The following UNC5D variants were observed in gnomAD, a reference collection of about 807,000 sequenced individuals.
UNC5D encodes the protein netrin receptor UNC5D.
A neutral mutation model predicts 105.4 loss-of-function variants in UNC5D; 39 were observed. That is an observed-to-expected ratio of 0.37 (90% CI 0.29 to 0.48). The LOEUF is 0.48. UNC5D is among the 20% of genes least tolerant of loss of function. UNC5D has a pLI of 0.98. For missense variants in UNC5D, 991 were observed against 1,202.4 expected, an observed-to-expected ratio of 0.82 and a Z score of 2.60; for synonymous variants, 452 against 450.4, an observed-to-expected ratio of 1.00 and a Z score of -0.04.
At chr8:35,506,321 C>T (rs1812301527) in intron 1 of UNC5D, among the ~76,000 whole-genome samples, 1 of 152,184 alleles carries the variant, frequency 6.6e-6, no homozygotes, top group African/African-American at 2.4e-5. Context: ...TTTTAAGTCC[C>T]AGAGTCCCCC....
chr8:35,619,806 C>T (rs541596099), intron 4 of UNC5D, among the ~76,000 whole-genome samples: 10 of 152,322 alleles, frequency 6.6e-5, no homozygotes, highest in South Asian at 4.1e-4. Flanking sequence ...CCACAGTCCC[C>T]GGACTCCTTA....
rs1213983482 is a variant in UNC5D, at chr8:35,525,095, C to A, written c.104-24197C>A. ...CCAACAGGACATATAGGATCCCTTC[C>A]CTCCCCCGGCCTGCCTCCGCTGAAG... On this transcript the variant is annotated intron_variant, in intron 1 of 16. Transcript: ENST00000404895. 2.8e-6 allele frequency: 4 copies of A among 1,448,892 alleles called. No homozygotes were observed. The African/African-American group carries it at 5.8e-5, about 21-fold the overall frequency. The allele number at this position is 1,448,892 out of a possible 1,614,324, so 89.8% of individuals were successfully genotyped here.
intron 16 of UNC5D, among the ~76,000 whole-genome samples, chr8:35,775,586 T>C (rs1410189810): frequency 6.6e-6 from 1 of 151,834 alleles, no homozygotes; most frequent in Non-Finnish European, 1.5e-5. Flanking sequence ...CCATTTTATT[T>C]CTCTTTCCTT....
At chr8:35,754,793 T>C (rs1232111976) in intron 13 of UNC5D, among the ~76,000 whole-genome samples, 1 of 152,218 alleles carries the variant, frequency 6.6e-6, no homozygotes, top group Non-Finnish European at 1.5e-5. Context: ...ATACTAGCAA[T>C]TTCCTTGACA....
intron 7 of UNC5D, among the ~76,000 whole-genome samples, chr8:35,705,040 T>C (rs965694486): frequency 3.4e-5 from 5 of 146,698 alleles, no homozygotes; most frequent in Non-Finnish European, 7.4e-5. Flanking sequence ...CTTGGCTCAC[T>C]GCAGGCTCTG....
chr8:35,549,255 T>A (rs1283710398), intron 1 of UNC5D, 37 bp from the exon 2 acceptor site: 2 of 1,604,238 alleles, frequency 1.2e-6, no homozygotes, highest in Non-Finnish European at 1.7e-6. Flanking sequence ...GTGCTATCAA[T>A]GTAGGCTGTG....
intron 1 of UNC5D, among the ~76,000 whole-genome samples, chr8:35,511,307 G>A (rs967212119): frequency 7.9e-5 from 12 of 151,922 alleles, no homozygotes; most frequent in African/African-American, 2.9e-4. Flanking sequence ...AATTCTGTGT[G>A]CACTCTGAAA....
intron 2 of UNC5D, among the ~76,000 whole-genome samples, chr8:35,561,289 C>A (rs1210092249): frequency 6.6e-6 from 1 of 152,134 alleles, no homozygotes; most frequent in Non-Finnish European, 1.5e-5. Flanking sequence ...AGCCCACTGA[C>A]ATTATGCAAG....
intron 1 of UNC5D, among the ~76,000 whole-genome samples, chr8:35,419,844 G>T (rs1293960235): frequency 6.6e-6 from 1 of 152,266 alleles, no homozygotes; most frequent in East Asian, 1.9e-4. Flanking sequence ...ATGGACAACG[G>T]AGAGTGAGGA....
chr8:35,305,571 CTTTCTTTT>C (rs1310597841), intron 1 of UNC5D, among the ~76,000 whole-genome samples: 10 of 18,898 alleles, frequency 5.3e-4, no homozygotes, highest in South Asian at 7.3e-3. Flanking sequence ...TCCTTTCTTT[CTTTCTTTT>C]TCTTTCTTTC....
At chr8:35,654,198 T>C (rs1823595972) in intron 4 of UNC5D, among the ~76,000 whole-genome samples, 1 of 152,228 alleles carries the variant, frequency 6.6e-6, no homozygotes, top group South Asian at 2.1e-4. Context: ...GTTACATGGA[T>C]AAATCCTGTA....
chr8:35,736,361 A>G (rs1829468657), intron 11 of UNC5D, among the ~76,000 whole-genome samples: 1 of 152,190 alleles, frequency 6.6e-6, no homozygotes, highest in Non-Finnish European at 1.5e-5. Context: ...ATACAGCGAG[A>G]CCCTGTCTCA....
At chr8:35,668,122 G>A (rs951932274) in intron 4 of UNC5D, among the ~76,000 whole-genome samples, 1 of 152,090 alleles carries the variant, frequency 6.6e-6, no homozygotes, top group Non-Finnish European at 1.5e-5. Flanking sequence ...TATTTGCCAT[G>A]GCAACAAGTA....
At chr8:35,461,970 C>T (rs1403043872) in intron 1 of UNC5D, among the ~76,000 whole-genome samples, 1 of 152,114 alleles carries the variant, frequency 6.6e-6, no homozygotes, top group East Asian at 1.9e-4. Context: ...TCAGTTCAGG[C>T]CTTTCCTAAT....
At chr8:35,631,565 G>T (rs185338308) in intron 4 of UNC5D, among the ~76,000 whole-genome samples, 1 of 152,148 alleles carries the variant, frequency 6.6e-6, no homozygotes, top group Non-Finnish European at 1.5e-5. Context: ...CACAGTCCAC[G>T]TATGGACTTG....
chr8:35,527,751 C>G (rs1813986170), intron 1 of UNC5D, among the ~76,000 whole-genome samples: 1 of 151,982 alleles, frequency 6.6e-6, no homozygotes, highest in African/African-American at 2.4e-5. Context: ...CCATATTGGC[C>G]AGACTGGTCT....
intron 4 of UNC5D, among the ~76,000 whole-genome samples, chr8:35,658,302 A>G (rs1169925123): frequency 1.3e-5 from 2 of 152,222 alleles, no homozygotes; most frequent in African/African-American, 4.8e-5. Context: ...AATGGCATCA[A>G]TTTATTATAG....
chr8:35,301,195 GA>G lies in UNC5D; in HGVS notation c.103+65310del, dbSNP rs1245901922. Among the ~76,000 whole-genome samples the G allele has an allele frequency of 2.6e-5, 4 of 152,220 alleles. No individual in the cohort carries two copies. In the East Asian group the frequency reaches 7.7e-4, roughly 29 times the overall value. ...GATGTCTTGTGGTGCCAGAAAGTAC[GA>G]AGGGGTCCAAAAAGGATAAGGACAT... On this transcript the variant is annotated intron_variant, in intron 1 of 16. Transcript: ENST00000404895.
chr8:35,324,478 A>G (rs553317226), intron 1 of UNC5D, among the ~76,000 whole-genome samples: 3 of 152,212 alleles, frequency 2.0e-5, no homozygotes, highest in Non-Finnish European at 4.4e-5. Context: ...TGTAGGTATT[A>G]AAAGCATTTC....
Sources: gnomAD v4.1 joint callset for allele counts (sites outside exome capture counted in the v4.1 genomes callset) on GRCh38, gnomAD v4.1.1 for gene constraint, MANE v1.5 for transcripts, NCBI Gene and HGNC (gene_info 2026-07-23, HGNC 2026-07-21) for gene names.